Variants in CDH12 observed in about 807,000 individuals in gnomAD.
CDH12 encodes cadherin-12.
CDH12 carries 41 observed loss-of-function variants against 74.1 expected under a neutral mutation model. The ratio of observed to expected loss-of-function variants is 0.55; its 90% CI spans 0.43 to 0.72. CDH12 has a LOEUF of 0.72. Among genes scored for constraint, CDH12 ranks in the 30% least tolerant of loss-of-function variants. The pLI is 0.00. For missense variants in CDH12, 945 were observed against 977.2 expected, an observed-to-expected ratio of 0.97 and a Z score of 0.44; for synonymous variants, 399 against 355.0, an observed-to-expected ratio of 1.12 and a Z score of -1.39.
chr5:22,484,900 A>G (rs1746526626), intron 2 of CDH12, among the ~76,000 whole-genome samples: 2 of 152,182 alleles, frequency 1.3e-5, no homozygotes, highest in Admixed American at 1.3e-4. Flanking sequence ...TATAATATCC[A>G]AAGACTCTTG....
At chr5:22,419,745 G>T (rs889169366) in intron 2 of CDH12, among the ~76,000 whole-genome samples, 1 of 152,160 alleles carries the variant, frequency 6.6e-6, no homozygotes, top group Non-Finnish European at 1.5e-5. Flanking sequence ...CACAATGGTT[G>T]CACTAATTTA....
chr5:22,696,235 G>A (rs1055056015), intron 1 of CDH12, among the ~76,000 whole-genome samples: 2 of 151,946 alleles, frequency 1.3e-5, no homozygotes, highest in Non-Finnish European at 2.9e-5. Flanking sequence ...GCCGGGCGTG[G>A]TGGCGGGCAC....
chr5:22,819,191 A>G (rs1371152543), intron 1 of CDH12, among the ~76,000 whole-genome samples: 10 of 152,252 alleles, frequency 6.6e-5, no homozygotes, highest in African/African-American at 2.2e-4. Context: ...AGGTAAACTT[A>G]AATCTGTTTT....
chr5:21,776,298 C>A (rs528716214), intron 11 of CDH12, among the ~76,000 whole-genome samples: 1 of 152,240 alleles, frequency 6.6e-6, no homozygotes, highest in African/African-American at 2.4e-5. Flanking sequence ...ACAAGAGAAA[C>A]CTTAGAGAAC....
intron 5 of CDH12, among the ~76,000 whole-genome samples, chr5:22,043,853 C>T (rs1561051770): frequency 6.6e-6 from 1 of 151,978 alleles, no homozygotes; most frequent in African/African-American, 2.4e-5. Context: ...ACTACAAATA[C>T]TAAGTAACAC....
chr5:22,269,357 C>T (rs1362557977), intron 3 of CDH12, among the ~76,000 whole-genome samples: 1 of 152,072 alleles, frequency 6.6e-6, no homozygotes, highest in East Asian at 1.9e-4. Context: ...TTCTTCTTAT[C>T]CTCTATTCAC....
chr5:22,094,051 C>G (rs1743596315), intron 4 of CDH12, among the ~76,000 whole-genome samples: 1 of 152,178 alleles, frequency 6.6e-6, no homozygotes, highest in Non-Finnish European at 1.5e-5. Context: ...TATAAATCCT[C>G]TAAAGTTTTA....
chr5:21,946,438 G>C (rs1561319630), intron 6 of CDH12, among the ~76,000 whole-genome samples: 1 of 152,076 alleles, frequency 6.6e-6, no homozygotes, highest in Non-Finnish European at 1.5e-5. Context: ...GGATGCTCAA[G>C]GAACATAGAG....
intron 1 of CDH12, among the ~76,000 whole-genome samples, chr5:22,540,492 T>C (rs1296345506): frequency 3.3e-5 from 5 of 152,188 alleles, no homozygotes; most frequent in African/African-American, 1.2e-4. Context: ...TATGTTATAA[T>C]GAACTTCTTC....
At chr5:22,024,078 T>C (rs181298685) in intron 5 of CDH12, among the ~76,000 whole-genome samples, 1 of 152,270 alleles carries the variant, frequency 6.6e-6, no homozygotes, top group Non-Finnish European at 1.5e-5. Flanking sequence ...GATTTGAGTA[T>C]TGAGGTGAGG....
At chr5:22,304,234 T>C (rs941234014) in intron 3 of CDH12, among the ~76,000 whole-genome samples, 3 of 152,122 alleles carry the variant, frequency 2.0e-5, no homozygotes, top group Middle Eastern at 3.2e-3. Context: ...AACCAAGGCA[T>C]AAACCAAGAC....
intron 1 of CDH12, among the ~76,000 whole-genome samples, chr5:22,512,816 A>G (rs1736666080): frequency 6.6e-6 from 1 of 152,312 alleles, no homozygotes; most frequent in Admixed American, 6.5e-5. Flanking sequence ...TATTCCCAAC[A>G]CTTTGGGAGG....
At chr5:21,775,084 G>A (rs1420622392) in intron 11 of CDH12, among the ~76,000 whole-genome samples, 1 of 152,166 alleles carries the variant, frequency 6.6e-6, no homozygotes, top group Non-Finnish European at 1.5e-5. Flanking sequence ...GCAGGTGGCT[G>A]TGATTCACAT....
At chr5:21,909,285 T>C (rs972626466) in intron 6 of CDH12, among the ~76,000 whole-genome samples, 7 of 152,200 alleles carry the variant, frequency 4.6e-5, no homozygotes, top group African/African-American at 1.7e-4. Context: ...ATAATTATGC[T>C]TGTTTTTTAC....
chr5:22,233,581 T>C (rs1372262790), intron 3 of CDH12, among the ~76,000 whole-genome samples: 1 of 152,132 alleles, frequency 6.6e-6, no homozygotes, highest in Non-Finnish European at 1.5e-5. Flanking sequence ...AATAAAACAA[T>C]ATTAATGTGA....
At chr5:21,886,354 T>A (rs550939320) in intron 6 of CDH12, among the ~76,000 whole-genome samples, 1 of 151,636 alleles carries the variant, frequency 6.6e-6, no homozygotes, top group Admixed American at 6.6e-5. Flanking sequence ...TATGCTTAGA[T>A]GTGTGAAATT....
intron 3 of CDH12, among the ~76,000 whole-genome samples, chr5:22,390,607 T>TAGAA (rs1742205546): frequency 6.6e-6 from 1 of 151,290 alleles, no homozygotes; most frequent in Non-Finnish European, 1.5e-5. Context: ...GATAGATAGA[T>TAGAA]AGATAGATAG....
chr5:22,641,897 T>C (rs545553522), intron 1 of CDH12, among the ~76,000 whole-genome samples: 1 of 152,300 alleles, frequency 6.6e-6, no homozygotes, highest in Non-Finnish European at 1.5e-5. Flanking sequence ...TGCATGTTTT[T>C]GGTGAGTGAA....
At chr5:22,264,027 T>A (rs910942089) in intron 3 of CDH12, among the ~76,000 whole-genome samples, 55 of 151,950 alleles carry the variant, frequency 3.6e-4, no homozygotes, top group African/African-American at 1.3e-3. Flanking sequence ...TTTCCCATCA[T>A]TTTTTTAAAG....
Sources: gnomAD v4.1 joint callset for allele counts (sites outside exome capture counted in the v4.1 genomes callset) on GRCh38, gnomAD v4.1.1 for gene constraint, MANE v1.5 for transcripts, NCBI Gene and HGNC (gene_info 2026-07-23, HGNC 2026-07-21) for gene names.